Variants in PKHD1 observed in about 807,000 individuals in gnomAD.
PKHD1 encodes fibrocystin.
Under a neutral mutation model 412.0 loss-of-function variants are expected in PKHD1, and 291 were observed. The ratio of observed to expected loss-of-function variants is 0.71; its 90% CI spans 0.64 to 0.78. The LOEUF (loss-of-function observed/expected upper bound fraction) is 0.78. Ranked by LOEUF, PKHD1 falls within the 30% of genes least tolerant of loss-of-function variation. PKHD1 has a pLI of 0.00. For synonymous variants in PKHD1, 1,777 were observed against 1,821.5 expected (o/e 0.98, Z 0.62); for missense variants, 4,825 against 4,950.7 (o/e 0.97, Z 0.76).
chr6:51,657,973 TTATAA>T (rs566626047), intron 61 of PKHD1, among the ~76,000 whole-genome samples: 83 of 152,242 alleles, frequency 5.5e-4, no homozygotes, highest in African/African-American at 1.9e-3. Flanking sequence ...GTATGTATAC[TTATAA>T]TATACTTACA....
chr6:51,690,074 C>A (rs572166759), intron 60 of PKHD1, among the ~76,000 whole-genome samples: 1 of 151,946 alleles, frequency 6.6e-6, no homozygotes, highest in East Asian at 1.9e-4. Context: ...GAGCTCGAGA[C>A]CAGCTTGGTC....
At chr6:51,714,567 G>T (rs558436616) in intron 60 of PKHD1, among the ~76,000 whole-genome samples, 39 of 152,214 alleles carry the variant, frequency 2.6e-4, no homozygotes, top group Non-Finnish European at 5.1e-4. Flanking sequence ...GCCACTTACC[G>T]TATATGGCTA....
chr6:51,936,748 C>A (rs1333217674), intron 36 of PKHD1, among the ~76,000 whole-genome samples: 1 of 152,106 alleles, frequency 6.6e-6, no homozygotes, highest in Non-Finnish European at 1.5e-5. Flanking sequence ...AATAAGTAAC[C>A]AGCATTAACA....
intron 54 of PKHD1, among the ~76,000 whole-genome samples, chr6:51,773,374 T>C (rs923230720): frequency 1.1e-4 from 17 of 151,966 alleles, no homozygotes; most frequent in African/African-American, 3.9e-4. Context: ...CAGTTTTATT[T>C]TTTCATGTCT....
intron 60 of PKHD1, among the ~76,000 whole-genome samples, chr6:51,744,043 C>T (rs1374017790): frequency 1.3e-5 from 2 of 152,194 alleles, no homozygotes; most frequent in Admixed American, 6.5e-5. Context: ...GGTTCCATGG[C>T]AGACCAGTAT....
At chr6:51,661,066 G>A (rs1397947255) in intron 60 of PKHD1, among the ~76,000 whole-genome samples, 1 of 152,044 alleles carries the variant, frequency 6.6e-6, no homozygotes, top group African/African-American at 2.4e-5. Flanking sequence ...TATCACCCAG[G>A]AAATTCCAAG....
intron 50 of PKHD1, among the ~76,000 whole-genome samples, chr6:51,845,858 T>C (rs532013000): frequency 6.6e-6 from 1 of 151,954 alleles, no homozygotes; most frequent in Non-Finnish European, 1.5e-5. Context: ...TTACGTTTAG[T>C]TTATTTGAGT....
At chr6:51,665,703 T>G (rs539914389) in intron 60 of PKHD1, among the ~76,000 whole-genome samples, 1 of 152,220 alleles carries the variant, frequency 6.6e-6, no homozygotes, top group South Asian at 2.1e-4. Context: ...AAATGTACAT[T>G]TCAAAAAGGT....
chr6:51,799,724 G>A (rs2151313902), intron 52 of PKHD1, among the ~76,000 whole-genome samples: 1 of 152,266 alleles, frequency 6.6e-6, no homozygotes, highest in Middle Eastern at 3.4e-3. Flanking sequence ...CAGCTACAAT[G>A]ACACTTGCAG....
At position 52,025,785 on chromosome 6, in the gene PKHD1, G is replaced by A. The variant is rs774546809; in HGVS notation, c.4025C>T (p.Ser1342Phe). Residue 1342 changes from serine to phenylalanine, a missense_variant, in exon 32 of 67, where the codon TCC becomes TTC. Physicochemically the swap from Ser to Phe is radical, Grantham distance 155. Coordinates refer to ENST00000371117, the MANE Select transcript of PKHD1 (RefSeq NM_138694.4). ...GNLNCDVETQ[S>F]FQGNVSLSGC... ...AGACAGGCTCACGTTGCCCTGGAAGGACTGTGTCTCAACATCACAGTTCAG... is the reference window on the plus strand; with the variant it reads ...AGACAGGCTCACGTTGCCCTGGAAGAACTGTGTCTCAACATCACAGTTCAG... The A allele has an allele frequency of 6.2e-7, 1 of 1,614,222 alleles. No individual in the cohort carries two copies. Among genetic ancestry groups the A allele is most frequent in the South Asian group, 1.1e-5 (1 of 91,082 alleles).
At chr6:52,010,859 T>A (rs904938274) in intron 34 of PKHD1, among the ~76,000 whole-genome samples, 6 of 152,278 alleles carry the variant, frequency 3.9e-5, no homozygotes, top group African/African-American at 1.2e-4. Flanking sequence ...CTGCTCTTAC[T>A]CATACTTAGT....
intron 66 of PKHD1, among the ~76,000 whole-genome samples, chr6:51,620,935 A>G: frequency 6.6e-6 from 1 of 152,102 alleles, no homozygotes; most frequent in East Asian, 1.9e-4. Context: ...CCTGTTCCAC[A>G]GTCCATTTGT....
At chr6:51,639,027 C>G in intron 63 of PKHD1, 71 bp from the exon 64 acceptor site, 1 of 1,111,238 alleles carries the variant, frequency 9.0e-7, no homozygotes, top group Non-Finnish European at 1.4e-6. Context: ...ATGTCTTCTG[C>G]GAAGGCAGAC....
In PKHD1 at chr6:52,070,578, C is replaced by T. The variant is rs1431386167; in HGVS notation, c.668-133G>A. On this transcript the variant is annotated intron_variant, in intron 9 of 66. Transcript: ENST00000371117. ...AAACCTGTAATTTCTTTAGTGGTTC[C>T]CCCCCGCAAAAACAAACAAACAAAC... The T allele has an allele frequency of 4.4e-6, 3 of 683,434 alleles. No individual in the cohort carries two copies. The East Asian group carries it at 7.9e-5, about 18-fold the overall frequency. The allele number at this position is 683,434 out of a possible 1,614,324, so 42.3% of individuals were successfully genotyped here. A position where few individuals can be genotyped will look rare whatever the true frequency, so the allele number is the denominator to read the frequency against.
chr6:51,707,265 G>C (rs1474591067), intron 60 of PKHD1, among the ~76,000 whole-genome samples: 2 of 152,086 alleles, frequency 1.3e-5, no homozygotes, highest in African/African-American at 4.8e-5. Context: ...CATCCTTTCT[G>C]CTTTCTTTTG....
intron 33 of PKHD1, 146 bp downstream of exon 33, chr6:52,022,655 A>T: frequency 1.3e-6 from 1 of 765,666 alleles, no homozygotes. Context: ...CTATCATTTT[A>T]GATGAGGAGT....
intron 35 of PKHD1, among the ~76,000 whole-genome samples, chr6:51,983,466 A>G (rs1413169417): frequency 6.6e-6 from 1 of 152,210 alleles, no homozygotes; most frequent in Non-Finnish European, 1.5e-5. Context: ...CTTCAAACAG[A>G]CAAAACACTC....
Position 51,887,229 on chromosome 6 carries a change from C to G in PKHD1, c.7013G>C (p.Gly2338Ala). The G allele has an allele frequency of 6.2e-7, 1 of 1,607,180 alleles. No homozygotes were observed. The highest frequency in any genetic ancestry group is 8.5e-7 in the Non-Finnish European group (1 of 1,173,796). ...ATGGAAAAAGTAGCCATAGCCAGCA[C>G]CACACACTCTGTTCCCCTACAGAAA... ...TNVIEGNRVC[G>A]AGYGYFFHLM... The change falls in exon 44 of 67, where the codon GGT (glycine) becomes GCT (alanine). Residue 2338 changes from glycine to alanine, a missense_variant. By Grantham distance (60) the Gly-to-Ala change is moderately conservative (BLOSUM62 0). Transcript: ENST00000371117.
At chr6:51,959,662 G>T (rs1220875792) in intron 36 of PKHD1, among the ~76,000 whole-genome samples, 1 of 152,000 alleles carries the variant, frequency 6.6e-6, no homozygotes, top group East Asian at 1.9e-4. Flanking sequence ...AACTAATCAA[G>T]CTCTGTGCTT....
Sources: allele counts gnomAD v4.1 joint callset (sites outside exome capture counted in the v4.1 genomes callset), GRCh38; gene constraint gnomAD v4.1.1; transcripts MANE v1.5; gene names NCBI Gene and HGNC (gene_info 2026-07-23, HGNC 2026-07-21).